Variants in FRK observed in about 807,000 individuals in gnomAD.
The protein encoded by FRK is fyn related Src family tyrosine kinase.
In FRK, 51 loss-of-function variants were observed where a neutral mutation model predicts 56.4. That is an observed-to-expected ratio of 0.90 (90% CI 0.72 to 1.14). The LOEUF (loss-of-function observed/expected upper bound fraction) is 1.14, where lower values mean the gene tolerates loss of function less well. Ranked by LOEUF, FRK falls within the 50% of genes most tolerant of loss-of-function variation. The pLI is 0.00. For synonymous variants in FRK, 245 were observed against 217.9 expected, an observed-to-expected ratio of 1.12 and a Z score of -1.10; for missense variants, 570 against 601.4, an observed-to-expected ratio of 0.95 and a Z score of 0.55.
chr6:116,073,587 T>TA, the FRK span, among the ~76,000 whole-genome samples: 1 of 152,096 alleles, frequency 6.6e-6, no homozygotes, highest in Non-Finnish European at 1.5e-5. Context: ...ACAAAAGCAC[T>TA]AAACATATTA....
intron 4 of FRK, among the ~76,000 whole-genome samples, chr6:115,960,512 G>GCC (rs1460227598): frequency 6.7e-6 from 1 of 148,932 alleles, no homozygotes; most frequent in Non-Finnish European, 1.5e-5. Context: ...AAACAAAGCA[G>GCC]CCCGGAAGCT....
At position 115,941,010 on chromosome 6, in the gene FRK, A is replaced by G. The variant is rs543423651; in HGVS notation, c.*1404T>C. On this transcript the variant is annotated 3_prime_UTR_variant, in exon 8 of 8. Coordinates refer to ENST00000606080, the MANE Select transcript of FRK (RefSeq NM_002031.3). ...GATCCCATTACTGGGTATGTACCTA[A>G]AGGCTTATAAATCATTCTGCTATAA... is the stretch of plus-strand genomic sequence containing the variant. 4 of 152,364 alleles carry G rather than the reference A, an allele frequency of 2.6e-5. No individual in the cohort carries two copies. In the East Asian group the frequency reaches 7.7e-4, roughly 29 times the overall value. 9.4% of individuals were successfully genotyped at this position (152,364 alleles called of 1,614,324 possible).
chr6:116,052,592 T>A (rs1025546939), intron 1 of FRK, among the ~76,000 whole-genome samples: 2 of 152,008 alleles, frequency 1.3e-5, no homozygotes, highest in African/African-American at 4.8e-5. Context: ...CTAACAACTC[T>A]AGGCAGGAAC....
At chr6:116,086,866 GT>G in the FRK span, among the ~76,000 whole-genome samples, 1 of 152,178 alleles carries the variant, frequency 6.6e-6, no homozygotes, top group African/African-American at 2.4e-5. Flanking sequence ...ACAAGACGAA[GT>G]CCCCATCTGA....
At chr6:115,960,410 G>T (rs12197053) in intron 4 of FRK, among the ~76,000 whole-genome samples, 1 of 150,224 alleles carries the variant, frequency 6.7e-6, no homozygotes, top group Non-Finnish European at 1.5e-5. Flanking sequence ...ACGGAATCTC[G>T]CTGATTGCTA....
chr6:116,100,598 G>A, the FRK span, among the ~76,000 whole-genome samples: 1 of 152,328 alleles, frequency 6.6e-6, no homozygotes, highest in South Asian at 2.1e-4. Context: ...CAGCTGTGCA[G>A]CAGCGGCACC....
intron 1 of FRK, among the ~76,000 whole-genome samples, chr6:116,035,199 G>A (rs778296194): frequency 3.3e-5 from 5 of 152,004 alleles, no homozygotes; most frequent in African/African-American, 1.2e-4. Flanking sequence ...AGAGTCAAGC[G>A]TTGTTTTTAA....
At chr6:115,986,095 C>G (rs1415667630) in intron 2 of FRK, among the ~76,000 whole-genome samples, 3 of 151,708 alleles carry the variant, frequency 2.0e-5, no homozygotes, top group Non-Finnish European at 4.4e-5. Context: ...TATTCATTCT[C>G]TCCTAGCCTT....
intron 5 of FRK, among the ~76,000 whole-genome samples, chr6:115,949,299 G>C (rs530486707): frequency 6.6e-6 from 1 of 152,070 alleles, no homozygotes; most frequent in Non-Finnish European, 1.5e-5. Flanking sequence ...TGATTGTCCT[G>C]GCCAGAACTT....
At position 115,961,698 on chromosome 6, in the gene FRK, C is replaced by T. The variant is rs1407494699; in HGVS notation, c.800-5088G>A. Among the ~76,000 whole-genome samples the T allele has an allele frequency of 6.3e-4, 32 of 50,844 alleles. 6 individuals are homozygous for T. The highest frequency in any genetic ancestry group is 2.1e-3 in the African/African-American group (30 of 14,106). 33.4% of individuals were successfully genotyped at this position (50,844 alleles called of 152,430 possible). The stretch of plus-strand genomic sequence containing the variant: ...CCCATCAGACTAACAGCGGATCTCT[C>T]GGCAGAAACCCTACAAGCCAGAAGA... On this transcript the variant is annotated intron_variant, in intron 4 of 7. Transcript: ENST00000606080.
At chr6:116,067,135 C>T in the FRK span, among the ~76,000 whole-genome samples, 1 of 152,014 alleles carries the variant, frequency 6.6e-6, no homozygotes, top group African/African-American at 2.4e-5. Flanking sequence ...AGCAAAGATA[C>T]ACAGAGAGAA....
At chr6:116,007,957 T>C (rs927388491) in intron 1 of FRK, among the ~76,000 whole-genome samples, 1 of 152,102 alleles carries the variant, frequency 6.6e-6, no homozygotes, top group Non-Finnish European at 1.5e-5. Context: ...GAAGGGATGA[T>C]GGTGCAAAAA....
rs765942689 is a variant in FRK, at chr6:115,944,414, A to G, written c.970T>C (p.Ser324Pro). The G allele has an allele frequency of 2.9e-5, 46 of 1,604,180 alleles. No homozygotes were observed. The East Asian group carries it at 9.4e-4, about 33-fold the overall frequency. The part of the protein sequence containing the change: ...LQEYLQNDTG[S>P]KIHLTQQVDM... Reference sequence around the variant, plus strand: ...ACCTGTTGAGTCAGATGGATTTTTGATCCAGTGTCATCTAAGTAATAAGAG... The same window carrying G: ...ACCTGTTGAGTCAGATGGATTTTTGGTCCAGTGTCATCTAAGTAATAAGAG... Residue 324 changes from serine (S) to proline (P), a missense_variant, in exon 6 of 8, where the codon TCA becomes CCA. Coordinates refer to ENST00000606080, the MANE Select transcript of FRK (RefSeq NM_002031.3).
intron 2 of FRK, 57 bp downstream of exon 2, chr6:116,003,820 A>G (rs1775149511): frequency 7.0e-6 from 11 of 1,582,484 alleles, no homozygotes; most frequent in Admixed American, 1.8e-5. Flanking sequence ...TCACACAGAA[A>G]GCTCATGACT....
chr6:116,004,010 G>T lies in FRK; in HGVS notation c.345-12C>A, dbSNP rs781759597. 2 of 1,608,354 alleles carry T rather than the reference G, an allele frequency of 1.2e-6. No homozygotes were observed. The highest frequency in any genetic ancestry group is 2.2e-5 in the South Asian group (2 of 90,472). On this transcript the variant is annotated splice_polypyrimidine_tract_variant and intron_variant, in intron 1 of 7. Coordinates refer to ENST00000606080, the MANE Select transcript of FRK (RefSeq NM_002031.3). ...CTCCAAAGAACCACCTAAAAAGAGA[G>T]ATATGTAAATGTTAAGTAACCAATT... is the stretch of plus-strand genomic sequence containing the variant.
intron 2 of FRK, among the ~76,000 whole-genome samples, chr6:115,994,679 T>C (rs1774767503): frequency 3.3e-5 from 5 of 152,088 alleles, no homozygotes; most frequent in Admixed American, 1.3e-4. Flanking sequence ...TAAATCTCAA[T>C]GTGATGGTGT....
At chr6:116,080,068 A>G in the FRK span, among the ~76,000 whole-genome samples, 1 of 152,232 alleles carries the variant, frequency 6.6e-6, no homozygotes. Flanking sequence ...TAATAAAAGT[A>G]TTTGAGTTAG....
the FRK span, among the ~76,000 whole-genome samples, chr6:116,097,287 T>A: frequency 3.6e-4 from 55 of 152,308 alleles, no homozygotes; most frequent in East Asian, 6.4e-3. Flanking sequence ...TTTTTCCTAT[T>A]TTTTTCCAAT....
chr6:115,961,358 A>G (rs1773355652), intron 4 of FRK, among the ~76,000 whole-genome samples: 1 of 119,190 alleles, frequency 8.4e-6, no homozygotes, highest in Admixed American at 9.6e-5. Flanking sequence ...AAGAATAAAA[A>G]GAAATGAGCA....
Sources: allele counts gnomAD v4.1 joint callset (sites outside exome capture counted in the v4.1 genomes callset), GRCh38; gene constraint gnomAD v4.1.1; transcripts MANE v1.5; gene names NCBI Gene and HGNC (gene_info 2026-07-23, HGNC 2026-07-21).